Variants in GNB1 observed in about 807,000 individuals in gnomAD.
GNB1 encodes G protein subunit beta 1, also known as guanine nucleotide-binding protein G(I)/G(S)/G(T) subunit beta-1.
GNB1 carries 2 observed loss-of-function variants against 42.9 expected under a neutral mutation model. The observed-to-expected ratio is 0.05, with a 90% CI of 0.02 to 0.15. GNB1 has a LOEUF of 0.15. Ranked by LOEUF, GNB1 falls within the 10% of genes least tolerant of loss-of-function variation. The pLI is 1.00. For synonymous variants in GNB1, 183 were observed against 174.7 expected (o/e 1.05, Z -0.38); for missense variants, 193 against 462.2 (o/e 0.42, Z 5.34).
At chr1:1,806,426 C>T (rs1337993373) in intron 6 of GNB1, 49 bp downstream of exon 6, 1 of 1,106,602 alleles carries the variant, frequency 9.0e-7, no homozygotes, top group African/African-American at 1.5e-5. Context: ...AGCTTAAAAC[C>T]CTGTTTCCTG....
At chr1:1,856,650 T>A (rs1048713391) in intron 1 of GNB1, among the ~76,000 whole-genome samples, 3 of 151,960 alleles carry the variant, frequency 2.0e-5, no homozygotes, top group African/African-American at 4.8e-5. Flanking sequence ...ATAGTCTCCA[T>A]CTCTTCACCT....
intron 1 of GNB1, among the ~76,000 whole-genome samples, chr1:1,887,032 T>C (rs565516625): frequency 1.3e-4 from 20 of 152,314 alleles, no homozygotes; most frequent in African/African-American, 4.6e-4. Flanking sequence ...TAAAATTTTA[T>C]AAAAATTTTT....
intron 2 of GNB1, among the ~76,000 whole-genome samples, 166 bp downstream of exon 2, chr1:1,839,024 G>A (rs1406176783): frequency 6.6e-6 from 1 of 152,110 alleles, no homozygotes; most frequent in Non-Finnish European, 1.5e-5. Flanking sequence ...AGGATGCTGA[G>A]GTGAGAGAAC....
At chr1:1,845,957 A>T (rs185745360) in intron 1 of GNB1, among the ~76,000 whole-genome samples, 1 of 151,962 alleles carries the variant, frequency 6.6e-6, no homozygotes, top group East Asian at 1.9e-4. Context: ...TTTTATAAAA[A>T]CGGTTCCCTT....
chr1:1,879,668 G>A (rs1427799964), intron 1 of GNB1, among the ~76,000 whole-genome samples: 13 of 148,894 alleles, frequency 8.7e-5, no homozygotes, highest in African/African-American at 3.2e-4. Flanking sequence ...TCGCACCACT[G>A]CACTCCAGCC....
At chr1:1,867,956 A>C (rs1230950665) in intron 1 of GNB1, among the ~76,000 whole-genome samples, 1 of 152,124 alleles carries the variant, frequency 6.6e-6, no homozygotes, top group Non-Finnish European at 1.5e-5. Context: ...ACTTACCTAT[A>C]ATACTTATAA....
At chr1:1,868,786 GA>G (rs1377028912) in intron 1 of GNB1, among the ~76,000 whole-genome samples, 10 of 149,972 alleles carry the variant, frequency 6.7e-5, no homozygotes, top group African/African-American at 2.2e-4. Flanking sequence ...TCTCAAAAAA[GA>G]AAAAAAGTGA....
intron 4 of GNB1, among the ~76,000 whole-genome samples, chr1:1,817,295 T>C (rs2180311): frequency 0.4 from 60,190 of 152,130 alleles, 14,389 homozygotes; most frequent in Admixed American, 0.55. Context: ...TAATGGCTGA[T>C]AATACTCCAG....
chr1:1,818,422 C>T (rs1646886321), intron 3 of GNB1: 1 of 150,928 alleles, frequency 6.6e-6, no homozygotes, highest in African/African-American at 2.4e-5. Context: ...ATCATTAATT[C>T]TAAATTCTAT....
intron 1 of GNB1, among the ~76,000 whole-genome samples, chr1:1,857,316 C>T (rs1441395766): frequency 1.3e-5 from 2 of 152,096 alleles, no homozygotes; most frequent in Non-Finnish European, 2.9e-5. Context: ...GGCTGGCTGG[C>T]TCCTCTCTCT....
chr1:1,853,622 C>A (rs975606263), intron 1 of GNB1, among the ~76,000 whole-genome samples: 37 of 152,116 alleles, frequency 2.4e-4, no homozygotes, highest in African/African-American at 8.9e-4. Flanking sequence ...AGAAAGTACC[C>A]TGAGTTGGAA....
At chr1:1,815,634 T>C in intron 5 of GNB1, 122 bp downstream of exon 5, 2 of 624,126 alleles carry the variant, frequency 3.2e-6, no homozygotes, top group South Asian at 1.9e-5. Flanking sequence ...CCCAGAGTTC[T>C]GATTCAACTT....
In GNB1 at chr1:1,794,371, A is replaced by C. The variant is rs577674355; in HGVS notation, c.431-1060T>G. Among the ~76,000 whole-genome samples the C allele has an allele frequency of 2.0e-5, 3 of 152,284 alleles. No homozygotes were observed. The East Asian group carries it at 5.8e-4, about 29-fold the overall frequency. On this transcript the variant is annotated intron_variant, in intron 7 of 11. Transcript: ENST00000378609. ...CTGTTGACCATTATTTCTTTTGTACATTGATCACAGTTCTGGTATTTACTG... is the reference window on the plus strand; with the variant it reads ...CTGTTGACCATTATTTCTTTTGTACCTTGATCACAGTTCTGGTATTTACTG...
chr1:1,865,199 T>A (rs1226606318), intron 1 of GNB1, among the ~76,000 whole-genome samples: 1 of 133,076 alleles, frequency 7.5e-6, no homozygotes, highest in African/African-American at 2.9e-5. Context: ...GAGGCAGAGG[T>A]GGCAGTGAGC....
At chr1:1,876,925 T>C (rs764059175) in intron 1 of GNB1, among the ~76,000 whole-genome samples, 4 of 152,164 alleles carry the variant, frequency 2.6e-5, no homozygotes, top group Non-Finnish European at 4.4e-5. Flanking sequence ...ACCACTGATA[T>C]CTACATAATT....
At chr1:1,869,813 C>A (rs1447039667) in intron 1 of GNB1, among the ~76,000 whole-genome samples, 1 of 152,142 alleles carries the variant, frequency 6.6e-6, no homozygotes, top group African/African-American at 2.4e-5. Flanking sequence ...CACACTTGTA[C>A]AACACAACTT....
chr1:1,867,786 G>A (rs1649025590), intron 1 of GNB1, among the ~76,000 whole-genome samples: 2 of 152,102 alleles, frequency 1.3e-5, no homozygotes, highest in South Asian at 4.1e-4. Context: ...ATAGCTTATA[G>A]CCTTATTGTC....
intron 3 of GNB1, among the ~76,000 whole-genome samples, chr1:1,822,913 C>T (rs1252848400): frequency 6.6e-6 from 1 of 152,064 alleles, no homozygotes; most frequent in African/African-American, 2.4e-5. Context: ...CCAAATCACC[C>T]TACTATTTAA....
intron 6 of GNB1, 107 bp from the exon 7 acceptor site, chr1:1,804,688 A>G (rs533160440): frequency 1.2e-6 from 1 of 806,868 alleles, no homozygotes; most frequent in African/African-American, 1.7e-5. Flanking sequence ...TAACAGAACA[A>G]AATAAGAGCC....
Sources: gnomAD v4.1 joint callset for allele counts (sites outside exome capture counted in the v4.1 genomes callset) on GRCh38, gnomAD v4.1.1 for gene constraint, MANE v1.5 for transcripts, NCBI Gene and HGNC (gene_info 2026-07-23, HGNC 2026-07-21) for gene names.